The following MEF2D variants were observed in gnomAD, a reference collection of about 807,000 sequenced individuals.
MEF2D encodes myocyte enhancer factor 2D, also known as myocyte-specific enhancer factor 2D.
A neutral mutation model predicts 59.3 loss-of-function variants in MEF2D; 10 were observed. That is an observed-to-expected ratio of 0.17 (90% CI 0.10 to 0.29). The LOEUF is 0.29. MEF2D is among the 10% of genes least tolerant of loss of function. The pLI is 1.00. For missense variants in MEF2D, 508 were observed against 699.4 expected, an observed-to-expected ratio of 0.73 and a Z score of 3.09; for synonymous variants, 305 against 295.0, an observed-to-expected ratio of 1.03 and a Z score of -0.35.
At chr1:156,472,331 A>T (rs1199549627) in intron 9 of MEF2D, among the ~76,000 whole-genome samples, 2 of 152,204 alleles carry the variant, frequency 1.3e-5, no homozygotes, top group Non-Finnish European at 2.9e-5. Flanking sequence ...TGTCTTCTGA[A>T]GCAGCCATCT....
intron 11 of MEF2D, 87 bp downstream of exon 11, chr1:156,467,906 G>A: frequency 5.4e-6 from 8 of 1,488,742 alleles, no homozygotes; most frequent in Non-Finnish European, 7.2e-6. Context: ...GGCCTCTTGG[G>A]TGGGAAATAA....
At position 156,482,730 on chromosome 1, in the gene MEF2D, G is replaced by C. The variant is rs1303973695; in HGVS notation, c.55-90C>G. 1.8e-5 allele frequency: 21 copies of C among 1,162,860 alleles called. No homozygotes were observed. In the South Asian group the frequency reaches 2.4e-4, roughly 13 times the overall value. The allele number at this position is 1,162,860 out of a possible 1,614,324, so 72.0% of individuals were successfully genotyped here. A position where few individuals can be genotyped will look rare whatever the true frequency, so the allele number is the denominator to read the frequency against. On this transcript the variant is annotated intron_variant, in intron 2 of 11. Transcript: ENST00000348159. The stretch of plus-strand genomic sequence containing the variant: ...CTACAGATGGCTGGACATAGCCCCT[G>C]CCCTCAGGAGCCCCCATTCTCAGTG...
At chr1:156,487,021 C>T (rs1300282563) in intron 1 of MEF2D, among the ~76,000 whole-genome samples, 2 of 152,206 alleles carry the variant, frequency 1.3e-5, no homozygotes, top group Non-Finnish European at 2.9e-5. Flanking sequence ...TATCCCAGTC[C>T]TCAACCCTCC....
intron 6 of MEF2D, 108 bp from the exon 7 acceptor site, chr1:156,477,310 T>C (rs1671681040): frequency 5.3e-6 from 5 of 951,344 alleles, no homozygotes; most frequent in Non-Finnish European, 7.8e-6. Flanking sequence ...CTCAAAGCCA[T>C]GCTTAGGCTT....
At chr1:156,479,406 G>A in intron 5 of MEF2D, 60 bp from the exon 6 acceptor site, 1 of 1,574,324 alleles carries the variant, frequency 6.4e-7, no homozygotes, top group Non-Finnish European at 8.6e-7. Flanking sequence ...AGTGAGTCTT[G>A]GGGACTGAAC....
chr1:156,499,801 TAGG>T (rs1342873346), intron 1 of MEF2D, among the ~76,000 whole-genome samples: 2 of 152,018 alleles, frequency 1.3e-5, no homozygotes, highest in African/African-American at 2.4e-5. Context: ...GAAGCGGGGC[TAGG>T]AGGTCTCAAG....
At chr1:156,491,201 C>A (rs1313946267) in intron 1 of MEF2D, among the ~76,000 whole-genome samples, 1 of 152,118 alleles carries the variant, frequency 6.6e-6, no homozygotes, top group African/African-American at 2.4e-5. Flanking sequence ...GGGTTCTAGT[C>A]CCTGCTCTGG....
Position 156,480,918 on chromosome 1 carries a change from C to T in MEF2D, c.312G>A (p.Glu104=). The T allele has an allele frequency of 1.2e-6, 2 of 1,612,018 alleles. No homozygotes were observed. The highest frequency in any genetic ancestry group is 1.7e-6 in the Non-Finnish European group (2 of 1,179,688). ...NGCDSPEPDG[E]DSLEQSPLLE... Reference sequence around the variant, plus strand: ...GCAGGGGGCTCTGTTCCAGCGAGTCCTCCCCGTCGGGCTCGGGGCTGTCGC... The same window carrying T: ...GCAGGGGGCTCTGTTCCAGCGAGTCTTCCCCGTCGGGCTCGGGGCTGTCGC... The change falls in exon 4 of 12, where the codon GAG becomes GAA. Residue 104 remains glutamate (E), a synonymous_variant. Transcript: ENST00000348159.
chr1:156,477,273 C>A lies in MEF2D; in HGVS notation c.665-71G>T. The A allele has an allele frequency of 3.0e-6, 4 of 1,333,894 alleles. No individual in the cohort carries two copies. The South Asian group carries it at 5.7e-5, about 19-fold the overall frequency. The allele number at this position is 1,333,894 out of a possible 1,614,324, so 82.6% of individuals were successfully genotyped here. A position where few individuals can be genotyped will look rare whatever the true frequency, so the allele number is the denominator to read the frequency against. On this transcript the variant is annotated intron_variant, in intron 6 of 11. Coordinates refer to ENST00000348159, the MANE Select transcript of MEF2D (RefSeq NM_005920.4). ...TCCTTCAGCCCTATTAACTTCCCCACACCAATACTCCTGTTACCCGGAACC... is the reference window on the plus strand; with the variant it reads ...TCCTTCAGCCCTATTAACTTCCCCAAACCAATACTCCTGTTACCCGGAACC...
At position 156,492,378 on chromosome 1, in the gene MEF2D, G is replaced by A. The variant is rs140746485; in HGVS notation, c.-139+8108C>T. On this transcript the variant is annotated intron_variant, in intron 1 of 11. Coordinates refer to ENST00000348159, the MANE Select transcript of MEF2D (RefSeq NM_005920.4). ...GGGGCTCAAACTTGCTTTGTCAGAA[G>A]CCCTCCAACCAAGCATGCGAGGCTG... Among the ~76,000 whole-genome samples the A allele has an allele frequency of 2.2e-4, 33 of 152,338 alleles. No individual in the cohort carries two copies. The East Asian group carries it at 6.4e-3, about 29-fold the overall frequency.
chr1:156,476,809 C>T (rs1036491588), intron 7 of MEF2D: 2 of 677,942 alleles, frequency 3.0e-6, no homozygotes, highest in African/African-American at 3.6e-5. Flanking sequence ...TTTTTACTGC[C>T]TTAGGCTGGT....
chr1:156,484,488 G>A (rs1473300357), intron 1 of MEF2D, among the ~76,000 whole-genome samples: 1 of 152,228 alleles, frequency 6.6e-6, no homozygotes, highest in East Asian at 1.9e-4. Flanking sequence ...ATAGTTTGCT[G>A]ATTCCTGCCC....
At chr1:156,480,403 ATGT>A (rs1303990270) in intron 4 of MEF2D, among the ~76,000 whole-genome samples, 6 of 151,538 alleles carry the variant, frequency 4.0e-5, no homozygotes, top group Non-Finnish European at 8.8e-5. Context: ...TAAGGATCTC[ATGT>A]CATCTACACA....
At chr1:156,480,418 T>C (rs970016459) in intron 4 of MEF2D, among the ~76,000 whole-genome samples, 2 of 152,150 alleles carry the variant, frequency 1.3e-5, no homozygotes, top group African/African-American at 4.8e-5. Context: ...ATCTACACAC[T>C]TCTTGCTGGA....
chr1:156,482,702 A>T, intron 2 of MEF2D, 62 bp from the exon 3 acceptor site: 1 of 1,501,912 alleles, frequency 6.7e-7, no homozygotes, highest in Non-Finnish European at 9.3e-7. Context: ...TGGGAGTCCC[A>T]GCCTACAGAT....
chr1:156,495,507 C>CA (rs1161318354), intron 1 of MEF2D, among the ~76,000 whole-genome samples: 1 of 151,882 alleles, frequency 6.6e-6, no homozygotes, highest in Non-Finnish European at 1.5e-5. Flanking sequence ...ATTGGGATCT[C>CA]AAAAGTTTTG....
Position 156,483,381 on chromosome 1 carries a change from T to C in MEF2D, c.-89A>G. ...CCTTACACTGTGCTCATGAACGGTC[T>C]GGGAACAGTGCTCAGTTCATGGTCT... On this transcript the variant is annotated 5_prime_UTR_variant, in exon 2 of 12. Transcript: ENST00000348159. The C allele has an allele frequency of 2.4e-6, 3 of 1,234,896 alleles. No individual in the cohort carries two copies. 76.5% of individuals were successfully genotyped at this position (1,234,896 alleles called of 1,614,324 possible).
At position 156,481,052 on chromosome 1, in the gene MEF2D, G is replaced by A. The variant is rs1042256779; in HGVS notation, c.259-81C>T. 12 of 1,589,300 alleles carry A rather than the reference G, an allele frequency of 7.6e-6. No homozygotes were observed. The Admixed American group carries it at 1.9e-4, about 25-fold the overall frequency. ...GGAGTTCCTTCCAGCCCCTCCCTAA[G>A]GGCCCCCTACTCTTCCCCGACCTCC... On this transcript the variant is annotated intron_variant, in intron 3 of 11. Coordinates refer to ENST00000348159, the MANE Select transcript of MEF2D (RefSeq NM_005920.4).
chr1:156,464,422 G>A lies in MEF2D; in HGVS notation c.*3223C>T, dbSNP rs1217303751. ...GCACTGAGTGTGCTGTTGAGGGGGG[G>A]AGAATGGTGTGTTCCACTGAGGTGG... is the stretch of plus-strand genomic sequence containing the variant. On this transcript the variant is annotated 3_prime_UTR_variant, in exon 12 of 12. Transcript: ENST00000348159. 3.6e-5 allele frequency: 5 copies of A among 138,792 alleles called. No individual in the cohort carries two copies. Among genetic ancestry groups the A allele is most frequent in the Non-Finnish European group, 7.8e-5 (5 of 64,398 alleles). 8.6% of individuals were successfully genotyped at this position (138,792 alleles called of 1,614,324 possible). A position where few individuals can be genotyped will look rare whatever the true frequency, so the allele number is the denominator to read the frequency against.
Sources: gnomAD v4.1 joint callset for allele counts (sites outside exome capture counted in the v4.1 genomes callset) on GRCh38, gnomAD v4.1.1 for gene constraint, MANE v1.5 for transcripts, NCBI Gene and HGNC (gene_info 2026-07-23, HGNC 2026-07-21) for gene names.